Variants in ZBTB41 observed in about 807,000 individuals in gnomAD.
ZBTB41 encodes zinc finger and BTB domain-containing protein 41.
Under a neutral mutation model 87.6 loss-of-function variants are expected in ZBTB41, and 42 were observed. That is an observed-to-expected ratio of 0.48 (90% confidence interval 0.37 to 0.62). ZBTB41 has a LOEUF of 0.62. Ranked by LOEUF, ZBTB41 falls within the 20% of genes least tolerant of loss-of-function variation. The pLI is 0.00. For synonymous variants in ZBTB41, 364 were observed against 364.0 expected (o/e 1.00, Z 0.00); for missense variants, 799 against 1,078.9 (o/e 0.74, Z 3.63).
rs1484836344 is a variant in ZBTB41 at position 197,174,996 on chromosome 1, G to A, written c.1985+14C>T. ...GCCAATGTAAACTATGAGACATTTT[G>A]CTTTTTCACTTACTTTTGCCACACT... On this transcript the variant is annotated intron_variant, in intron 9 of 10. Coordinates refer to ENST00000367405, the MANE Select transcript of ZBTB41 (RefSeq NM_194314.3). The A allele has an allele frequency of 6.3e-7, 1 of 1,597,154 alleles. No homozygotes were observed. The highest frequency in any genetic ancestry group is 8.6e-7 in the Non-Finnish European group (1 of 1,168,876).
Position 197,199,728 on chromosome 1 carries a change from G to A in ZBTB41, c.746C>T (p.Ser249Phe), listed in dbSNP as rs1388932121. 3.7e-6 allele frequency: 6 copies of A among 1,613,502 alleles called. No homozygotes were observed. Among genetic ancestry groups the A allele is most frequent in the Non-Finnish European group, 5.1e-6 (6 of 1,179,878 alleles). ...CCGATTCCTTTTTGATCTTCTTGCG[G>A]AGAAACTTCTCTCCAGCATTTTTAA... ...HGLKMLERSF[S>F]ARRSKRNRKC... The change falls in exon 2 of 11, where the codon TCC (serine) becomes TTC (phenylalanine). Residue 249 changes from serine (S) to phenylalanine (F), a missense_variant. Ser to Phe is a radical substitution (Grantham distance 155). Coordinates refer to ENST00000367405, the MANE Select transcript of ZBTB41 (RefSeq NM_194314.3).
intron 2 of ZBTB41, among the ~76,000 whole-genome samples, chr1:197,192,928 AT>A (rs1286167216): frequency 6.6e-6 from 1 of 152,104 alleles, no homozygotes; most frequent in Non-Finnish European, 1.5e-5. Flanking sequence ...GTAATATCAT[AT>A]TTTCTAAAAA....
intron 6 of ZBTB41, among the ~76,000 whole-genome samples, chr1:197,180,053 A>G (rs1019011017): frequency 2.6e-5 from 4 of 152,104 alleles, no homozygotes; most frequent in African/African-American, 9.7e-5. Context: ...TGACTCCCCT[A>G]GAGAAACTTC....
chr1:197,197,128 T>G (rs1014374611), intron 2 of ZBTB41, among the ~76,000 whole-genome samples: 1 of 151,932 alleles, frequency 6.6e-6, no homozygotes, highest in Admixed American at 6.6e-5. Flanking sequence ...ATTACCCCAT[T>G]TAATCCTCAT....
rs200080718 is a variant in ZBTB41 at position 197,159,568 on chromosome 1, G to T, written c.2521C>A (p.Pro841Thr). Residue 841 changes from proline to threonine, a missense_variant, in exon 11 of 11, where the codon CCA becomes ACA. Pro to Thr is a conservative substitution (Grantham distance 38). Transcript: ENST00000367405. ...GGATAATCAGTTGACTGTGGCTGTG[G>T]TGACAGAATCTCATGAGAAGATGGT... is the stretch of plus-strand genomic sequence containing the variant. ...LPPSSHEILS[P>T]QPQSTDYPRA... 1 of 1,613,930 alleles carries T rather than the reference G, an allele frequency of 6.2e-7. No homozygotes were observed. The highest frequency in any genetic ancestry group is 2.2e-5 in the East Asian group (1 of 44,884).
intron 10 of ZBTB41, among the ~76,000 whole-genome samples, chr1:197,170,986 G>A (rs1659463714): frequency 6.6e-6 from 1 of 152,036 alleles, no homozygotes; most frequent in Non-Finnish European, 1.5e-5. Context: ...CCAATTAACT[G>A]TGAAATATCC....
Position 197,160,736 on chromosome 1 carries a change from C to T in ZBTB41, c.2075-722G>A, listed in dbSNP as rs115326898. ...TATCAAAGATGTACACACTCTAGTC[C>T]CAGGAAGCTGTAGATACTTATGTGG... On this transcript the variant is annotated intron_variant, in intron 10 of 10. Coordinates refer to ENST00000367405, the MANE Select transcript of ZBTB41 (RefSeq NM_194314.3). Among the ~76,000 whole-genome samples, 832 of 152,110 alleles carry T rather than the reference C, an allele frequency of 5.5e-3. 10 individuals are homozygous for T. The highest frequency in any genetic ancestry group is 0.019 in the African/African-American group (783 of 41,488).
chr1:197,186,245 G>A, intron 5 of ZBTB41, among the ~76,000 whole-genome samples: 1 of 147,642 alleles, frequency 6.8e-6, no homozygotes, highest in African/African-American at 2.5e-5. Context: ...GTCTTTTTAA[G>A]AAATGGTCCT....
chr1:197,195,243 C>A (rs1660135842), intron 2 of ZBTB41, among the ~76,000 whole-genome samples: 2 of 152,318 alleles, frequency 1.3e-5, no homozygotes, highest in South Asian at 4.1e-4. Context: ...GAAATTTTAT[C>A]CACAGCATTT....
At chr1:197,175,892 A>G (rs1659593457) in intron 8 of ZBTB41, 1 of 151,950 alleles carries the variant, frequency 6.6e-6, no homozygotes, top group Non-Finnish European at 1.5e-5. Flanking sequence ...TGCATACTTT[A>G]TATTCAAAAA....
At chr1:197,180,517 CTG>C (rs1352655950) in intron 6 of ZBTB41, among the ~76,000 whole-genome samples, 9 of 152,138 alleles carry the variant, frequency 5.9e-5, no homozygotes, top group African/African-American at 2.2e-4. Flanking sequence ...ATATGACAGT[CTG>C]TAGATAACAC....
chr1:197,165,454 A>C (rs995330938), intron 10 of ZBTB41, among the ~76,000 whole-genome samples: 3 of 151,806 alleles, frequency 2.0e-5, no homozygotes, highest in East Asian at 1.9e-4. Flanking sequence ...CTAAAAATGC[A>C]AAAAAATTAG....
In ZBTB41 at chr1:197,159,583, GAGA is replaced by G; in HGVS notation, c.2503_2505del (p.Ser835del). 6.2e-7 allele frequency: 1 copy of G among 1,613,964 alleles called. No homozygotes were observed. The highest frequency in any genetic ancestry group is 8.5e-7 in the Non-Finnish European group (1 of 1,179,886). The stretch of plus-strand genomic sequence containing the variant: ...TGTGGCTGTGGTGACAGAATCTCAT[GAGA>G]AGATGGTGGGAGTGTGGTAGTATGA... On this transcript the variant is annotated inframe_deletion, in exon 11 of 11. Coordinates refer to ENST00000367405, the MANE Select transcript of ZBTB41 (RefSeq NM_194314.3).
Position 197,172,216 on chromosome 1 carries a change from C to A in ZBTB41, c.2018G>T (p.Cys673Phe). The A allele has an allele frequency of 7.0e-7, 1 of 1,424,662 alleles. No homozygotes were observed. The highest frequency in any genetic ancestry group is 9.3e-7 in the Non-Finnish European group (1 of 1,075,416). The allele number at this position is 1,424,662 out of a possible 1,614,324, so 88.3% of individuals were successfully genotyped here. ...TGATTTGCCTTTAAAAATTTTCTTACAAACATCACATTGATGAAATGTTGC... is the reference window on the plus strand; with the variant it reads ...TGATTTGCCTTTAAAAATTTTCTTAAAAACATCACATTGATGAAATGTTGC... ...YKATFHQCDV[C>F]KKIFKGKSSL... The change falls in exon 10 of 11, where the codon TGT (cysteine) becomes TTT (phenylalanine). Residue 673 changes from cysteine to phenylalanine, a missense_variant. Transcript: ENST00000367405.
chr1:197,185,397 C>G (rs1659856808), intron 5 of ZBTB41, among the ~76,000 whole-genome samples: 1 of 152,152 alleles, frequency 6.6e-6, no homozygotes, highest in Non-Finnish European at 1.5e-5. Flanking sequence ...GACCACAACT[C>G]TCCACCTTGG....
intron 5 of ZBTB41, among the ~76,000 whole-genome samples, chr1:197,182,364 GT>G (rs548385644): frequency 2.6e-5 from 4 of 151,862 alleles, no homozygotes; most frequent in South Asian, 2.1e-4. Flanking sequence ...TGGATATCCA[GT>G]TTTGCATGCA....
At chr1:197,190,895 T>A in intron 3 of ZBTB41, 64 bp from the exon 4 acceptor site, 1 of 1,060,888 alleles carries the variant, frequency 9.4e-7, no homozygotes, top group Middle Eastern at 2.1e-4. Context: ...ATATTCCATG[T>A]GAATATGTTG....
At position 197,154,848 on chromosome 1, in the gene ZBTB41, T is replaced by C. The variant is rs879656602; in HGVS notation, c.*4511A>G. On this transcript the variant is annotated 3_prime_UTR_variant, in exon 11 of 11. Coordinates refer to ENST00000367405, the MANE Select transcript of ZBTB41 (RefSeq NM_194314.3). Reference sequence around the variant, plus strand: ...TTTACTATAACACTACTTAAAGTTTTAGAAATGCTACTTGTAGAATACATT... The same window carrying C: ...TTTACTATAACACTACTTAAAGTTTCAGAAATGCTACTTGTAGAATACATT... 3.3e-5 allele frequency: 5 copies of C among 152,542 alleles called. No individual in the cohort carries two copies. Among genetic ancestry groups the C allele is most frequent in the African/African-American group, 4.8e-5 (2 of 41,454 alleles). The allele number at this position is 152,542 out of a possible 1,614,324, so 9.4% of individuals were successfully genotyped here.
chr1:197,188,353 A>G lies in ZBTB41; in HGVS notation c.1485T>C (p.Tyr495=). Residue 495 remains tyrosine, a synonymous_variant, in exon 5 of 11, where the codon TAT becomes TAC. Transcript: ENST00000367405. ...HSQDKPFKCT[Y]CEEHFKSRFA... is the part of the protein sequence containing the mutation. The stretch of plus-strand genomic sequence containing the variant: ...ACCGTGATTTAAAATGTTCTTCACA[A>G]TAGGTACACTTAAAAGGTTTATCTT... The G allele has an allele frequency of 6.2e-7, 1 of 1,613,958 alleles. No homozygotes were observed.
Sources: gnomAD v4.1 joint callset for allele counts (sites outside exome capture counted in the v4.1 genomes callset) on GRCh38, gnomAD v4.1.1 for gene constraint, MANE v1.5 for transcripts, NCBI Gene and HGNC (gene_info 2026-07-23, HGNC 2026-07-21) for gene names.